SMAP2: variants seen among roughly 807,000 people sequenced by gnomAD.
SMAP2 encodes small ArfGAP2.
SMAP2 carries 25 observed loss-of-function variants against 56.4 expected under a neutral mutation model. The ratio of observed to expected loss-of-function variants is 0.44; its 90% CI spans 0.32 to 0.62. The LOEUF (loss-of-function observed/expected upper bound fraction) is 0.62, where lower values mean the gene tolerates loss of function less well. Among genes scored for constraint, SMAP2 ranks in the 20% least tolerant of loss-of-function variants. The probability of loss-of-function intolerance (pLI) is 0.04; values close to 1 mark genes in which losing one functional copy is unlikely to be tolerated. For synonymous variants in SMAP2, 157 were observed against 181.7 expected (o/e 0.86, Z 1.09); for missense variants, 388 against 545.6 (o/e 0.71, Z 2.88).
At chr1:40,355,028 C>T (rs1644429439) in intron 1 of SMAP2, among the ~76,000 whole-genome samples, 1 of 151,772 alleles carries the variant, frequency 6.6e-6, no homozygotes, top group South Asian at 2.1e-4. Context: ...AAGTCATCTG[C>T]CCGCCTCACC....
At chr1:40,393,890 G>A (rs1041565827) in intron 1 of SMAP2, among the ~76,000 whole-genome samples, 1 of 152,004 alleles carries the variant, frequency 6.6e-6, no homozygotes, top group African/African-American at 2.4e-5. Context: ...GAATCAATGA[G>A]TTTCTTCAAA....
At chr1:40,412,051 G>T (rs1021963294) in intron 4 of SMAP2, among the ~76,000 whole-genome samples, 2 of 152,060 alleles carry the variant, frequency 1.3e-5, no homozygotes, top group Non-Finnish European at 2.9e-5. Context: ...TCATCTTTCA[G>T]TGAGTAGCTA....
chr1:40,421,458 G>A (rs1452604906), intron 9 of SMAP2, among the ~76,000 whole-genome samples: 2 of 139,472 alleles, frequency 1.4e-5, no homozygotes, highest in South Asian at 2.6e-4. Context: ...GTCTTCCCCC[G>A]CCCCCGCCCC....
At chr1:40,421,871 C>G in intron 9 of SMAP2, 105 bp from the exon 10 acceptor site, 15 of 1,349,442 alleles carry the variant, frequency 1.1e-5, no homozygotes, top group Non-Finnish European at 1.6e-5. Context: ...TTCCCTTTGT[C>G]TCATTCTCCC....
At chr1:40,349,231 A>G (rs1644400612) in intron 1 of SMAP2, among the ~76,000 whole-genome samples, 1 of 152,176 alleles carries the variant, frequency 6.6e-6, no homozygotes, top group Non-Finnish European at 1.5e-5. Context: ...TTGTAACGTT[A>G]ATGATAAAGC....
chr1:40,357,326 G>A (rs1173311398), intron 1 of SMAP2, among the ~76,000 whole-genome samples: 1 of 152,080 alleles, frequency 6.6e-6, no homozygotes. Flanking sequence ...ATGGTGACGT[G>A]TGCCTGTAGT....
Position 40,373,858 on chromosome 1 carries a change from T to G in SMAP2, c.-263T>G. 2.7e-6 allele frequency: 1 copy of G among 368,148 alleles called. No individual in the cohort carries two copies. The highest frequency in any genetic ancestry group is 5.0e-6 in the Non-Finnish European group (1 of 201,120). 22.8% of individuals were successfully genotyped at this position (368,148 alleles called of 1,614,324 possible). A position where few individuals can be genotyped will look rare whatever the true frequency, so the allele number is the denominator to read the frequency against. ...GCTCGTGGTCCGCCTTTGCCTGGGC[T>G]GAGGGTCTCTGGCCCCGCAGCCTCT... On this transcript the variant is annotated 5_prime_UTR_variant, in exon 1 of 10. Transcript: ENST00000372718.
chr1:40,402,871 A>T (rs1644849276), intron 1 of SMAP2, among the ~76,000 whole-genome samples: 1 of 152,178 alleles, frequency 6.6e-6, no homozygotes, highest in Admixed American at 6.5e-5. Context: ...CAAGTTTACC[A>T]GATTAAAGTA....
intron 9 of SMAP2, among the ~76,000 whole-genome samples, chr1:40,420,474 A>T (rs926509897): frequency 2.0e-5 from 3 of 152,234 alleles, no homozygotes; most frequent in Non-Finnish European, 2.9e-5. Flanking sequence ...GATATTTTTT[A>T]AAAACCAGGT....
At chr1:40,359,315 C>A (rs1569821662) in intron 1 of SMAP2, among the ~76,000 whole-genome samples, 1 of 152,174 alleles carries the variant, frequency 6.6e-6, no homozygotes, top group Non-Finnish European at 1.5e-5. Context: ...GTTGTCCAGG[C>A]TGGTCTCGAA....
At chr1:40,393,347 A>G in intron 1 of SMAP2, 1 of 1,532,208 alleles carries the variant, frequency 6.5e-7, no homozygotes, top group Non-Finnish European at 8.7e-7. Context: ...GAACAACCAC[A>G]AATGAGTGAG....
intron 1 of SMAP2, among the ~76,000 whole-genome samples, chr1:40,350,052 A>G (rs898034498): frequency 2.0e-5 from 3 of 152,198 alleles, no homozygotes; most frequent in Admixed American, 6.6e-5. Flanking sequence ...ATCTCCCACC[A>G]GTGAGGAGAG....
At chr1:40,401,823 C>T (rs965751261) in intron 1 of SMAP2, among the ~76,000 whole-genome samples, 1 of 152,144 alleles carries the variant, frequency 6.6e-6, no homozygotes, top group Admixed American at 6.5e-5. Flanking sequence ...CCGTGTAAAC[C>T]CAGATTTTTC....
In SMAP2 at chr1:40,422,024, A is replaced by T; in HGVS notation, c.1213A>T (p.Met405Leu). 1.2e-6 allele frequency: 2 copies of T among 1,614,170 alleles called. No individual in the cohort carries two copies. The highest frequency in any genetic ancestry group is 1.7e-6 in the Non-Finnish European group (2 of 1,180,018). Residue 405 changes from methionine to leucine, a missense_variant, in exon 10 of 10, where the codon ATG becomes TTG. Transcript: ENST00000372718. ...GMNFYGANGM[M>L]NYGQSMSGGN... ...GAACTTCTATGGAGCCAATGGCATG[A>T]TGAACTATGGACAGTCAATGAGTGG...
At chr1:40,391,478 T>C (rs1412305569) in intron 1 of SMAP2, among the ~76,000 whole-genome samples, 1 of 152,148 alleles carries the variant, frequency 6.6e-6, no homozygotes, top group Non-Finnish European at 1.5e-5. Flanking sequence ...GGGTAATGAT[T>C]GAAATGTATG....
Position 40,416,218 on chromosome 1 carries a change from C to A in SMAP2, c.724C>A (p.Pro242Thr). ...MPTAGSAGSV[P>T]ENLNLFPEPG... Reference sequence around the variant, plus strand: ...AACTGCAGGGAGTGCCGGCTCTGTTCCTGAAAATCTGAACCTGTTTCCGGA... The same window carrying A: ...AACTGCAGGGAGTGCCGGCTCTGTTACTGAAAATCTGAACCTGTTTCCGGA... The change falls in exon 8 of 10, where the codon CCT becomes ACT. Residue 242 changes from proline to threonine, a missense_variant. Pro to Thr is a conservative substitution (Grantham distance 38). Coordinates refer to ENST00000372718, the MANE Select transcript of SMAP2 (RefSeq NM_022733.3). 6.2e-7 allele frequency: 1 copy of A among 1,613,974 alleles called. No homozygotes were observed. Among genetic ancestry groups the A allele is most frequent in the Non-Finnish European group, 8.5e-7 (1 of 1,179,980 alleles).
chr1:40,352,689 G>C (rs1041817798), intron 1 of SMAP2, among the ~76,000 whole-genome samples: 1 of 151,606 alleles, frequency 6.6e-6, no homozygotes, highest in African/African-American at 2.4e-5. Context: ...ACCATTCTCT[G>C]CTAATTTTTT....
intron 1 of SMAP2, among the ~76,000 whole-genome samples, chr1:40,403,901 C>A (rs1174473879): frequency 6.6e-6 from 1 of 152,094 alleles, no homozygotes; most frequent in African/African-American, 2.4e-5. Flanking sequence ...GAGTTCACAA[C>A]CAGCCTAAGC....
intron 1 of SMAP2, among the ~76,000 whole-genome samples, chr1:40,388,815 A>C (rs1162369621): frequency 6.6e-6 from 1 of 151,482 alleles, no homozygotes; most frequent in African/African-American, 2.4e-5. Context: ...ACTGCTACTC[A>C]CTCTTTGGGT....
Sources: allele counts gnomAD v4.1 joint callset (sites outside exome capture counted in the v4.1 genomes callset), GRCh38; gene constraint gnomAD v4.1.1; transcripts MANE v1.5; gene names NCBI Gene and HGNC (gene_info 2026-07-23, HGNC 2026-07-21).